Variants in CA8 observed in about 807,000 individuals in gnomAD.
CA8 encodes carbonic anhydrase-related protein.
Under a neutral mutation model 41.4 loss-of-function variants are expected in CA8, and 22 were observed. The observed-to-expected ratio is 0.53, with a 90% CI of 0.38 to 0.76. The LOEUF is 0.76. Among genes scored for constraint, CA8 ranks in the 30% least tolerant of loss-of-function variants. CA8 has a pLI of 0.00. For synonymous variants in CA8, 121 were observed against 130.6 expected, an observed-to-expected ratio of 0.93 and a Z score of 0.50; for missense variants, 270 against 352.8, an observed-to-expected ratio of 0.77 and a Z score of 1.88.
At chr8:60,223,688 T>A (rs1486178915) in intron 6 of CA8, among the ~76,000 whole-genome samples, 7 of 152,270 alleles carry the variant, frequency 4.6e-5, no homozygotes, top group Non-Finnish European at 8.8e-5. Flanking sequence ...GTCATTCTTA[T>A]GAAATCCTTT....
intron 8 of CA8, among the ~76,000 whole-genome samples, chr8:60,199,384 C>T (rs1806362343): frequency 6.6e-6 from 1 of 152,064 alleles, no homozygotes; most frequent in Non-Finnish European, 1.5e-5. Flanking sequence ...TCTTGAGATA[C>T]AATTCCACTC....
intron 3 of CA8, among the ~76,000 whole-genome samples, chr8:60,255,824 A>G (rs954881356): frequency 3.5e-4 from 53 of 152,322 alleles, no homozygotes; most frequent in African/African-American, 1.3e-3. Context: ...AAGCACTTCA[A>G]GTGAATATCA....
chr8:60,222,473 G>A (rs901946165), intron 7 of CA8, among the ~76,000 whole-genome samples, 176 bp downstream of exon 7: 2 of 152,174 alleles, frequency 1.3e-5, no homozygotes, highest in Non-Finnish European at 1.5e-5. Context: ...ATTAGTGTTG[G>A]ATTCTGTCCA....
chr8:60,238,207 A>C (rs773408255), intron 3 of CA8, among the ~76,000 whole-genome samples: 4 of 152,236 alleles, frequency 2.6e-5, no homozygotes, highest in Non-Finnish European at 5.9e-5. Flanking sequence ...ACTGAGAAAA[A>C]TAAGTTTGAA....
intron 1 of CA8, 126 bp downstream of exon 1, chr8:60,280,922 C>T: frequency 1.4e-6 from 1 of 727,898 alleles, no homozygotes; most frequent in South Asian, 1.5e-5. Flanking sequence ...TGGCAGAGAC[C>T]CCCGTGGGAA....
chr8:60,259,122 C>A (rs540206650), intron 3 of CA8, among the ~76,000 whole-genome samples: 2 of 151,998 alleles, frequency 1.3e-5, no homozygotes, highest in Non-Finnish European at 2.9e-5. Context: ...GATGGGTGGA[C>A]GGACAGACAA....
chr8:60,197,495 G>A (rs1240465055), intron 8 of CA8, among the ~76,000 whole-genome samples: 2 of 151,900 alleles, frequency 1.3e-5, no homozygotes, highest in African/African-American at 2.4e-5. Context: ...ACCACCCTAC[G>A]AGGTAAATAC....
At chr8:60,232,617 TGAG>T (rs538787010) in intron 3 of CA8, 20 of 544,664 alleles carry the variant, frequency 3.7e-5, no homozygotes, top group Admixed American at 1.7e-4. Flanking sequence ...TTAGTCCTGA[TGAG>T]GAGGAAGACA....
Position 60,185,877 on chromosome 8 carries a change from G to C in CA8, c.*4144C>G, listed in dbSNP as rs1805950168. Among the ~76,000 whole-genome samples, 1 of 151,592 alleles carries C rather than the reference G, an allele frequency of 6.6e-6. No homozygotes were observed. ...CAAAAAAAAAAGGGCACTGGTAAAT[G>C]TAATTATGTAATTATGAAAGACAGT... On this transcript the variant is annotated 3_prime_UTR_variant, in exon 9 of 9. Transcript: ENST00000317995.
chr8:60,242,396 A>C (rs1017654552), intron 3 of CA8, among the ~76,000 whole-genome samples: 2 of 152,228 alleles, frequency 1.3e-5, no homozygotes, highest in Admixed American at 6.5e-5. Flanking sequence ...TTATACAGCA[A>C]ACAAGTGACA....
intron 3 of CA8, among the ~76,000 whole-genome samples, chr8:60,253,371 C>T (rs116230903): frequency 2.0e-5 from 3 of 152,070 alleles, no homozygotes; most frequent in African/African-American, 7.2e-5. Context: ...AAGTGTACCA[C>T]GATTATTCCA....
At chr8:60,192,058 T>C (rs561338515) in intron 8 of CA8, among the ~76,000 whole-genome samples, 46 of 152,246 alleles carry the variant, frequency 3.0e-4, no homozygotes, top group Admixed American at 2.9e-3. Flanking sequence ...CAATACCCTA[T>C]GCTATTGAGC....
chr8:60,196,692 T>G (rs894796736), intron 8 of CA8, among the ~76,000 whole-genome samples: 13 of 152,328 alleles, frequency 8.5e-5, no homozygotes, highest in Admixed American at 2.0e-4. Context: ...CTTTTATTTT[T>G]GTCTTTCATT....
Position 60,253,059 on chromosome 8 carries a change from G to A in CA8, c.417+12866C>T, listed in dbSNP as rs542242277. 1.3e-4 allele frequency among the ~76,000 whole-genome samples: 19 copies of A among 150,994 alleles called. No individual in the cohort carries two copies. In the East Asian group the frequency reaches 2.5e-3, roughly 20 times the overall value. On this transcript the variant is annotated intron_variant, in intron 3 of 8. Coordinates refer to ENST00000317995, the MANE Select transcript of CA8 (RefSeq NM_004056.6). ...AGCCTGGGCAACATGGAAAAACCCC[G>A]TCTCTACACCAAAATAAAAAAAAAA... is the stretch of plus-strand genomic sequence containing the variant.
chr8:60,186,005 C>T lies in CA8; in HGVS notation c.*4016G>A, dbSNP rs1440855027. ...ACAAATGTGACATATTTGACAATGA[C>T]AACACAAAGGAGGTAAATAAGAACA... On this transcript the variant is annotated 3_prime_UTR_variant, in exon 9 of 9. Coordinates refer to ENST00000317995, the MANE Select transcript of CA8 (RefSeq NM_004056.6). 1.3e-5 allele frequency among the ~76,000 whole-genome samples: 2 copies of T among 151,872 alleles called. No individual in the cohort carries two copies. The highest frequency in any genetic ancestry group is 4.8e-5 in the African/African-American group (2 of 41,350).
intron 8 of CA8, among the ~76,000 whole-genome samples, chr8:60,205,337 G>A (rs562457214): frequency 6.6e-5 from 10 of 152,212 alleles, no homozygotes; most frequent in Admixed American, 1.3e-4. Flanking sequence ...GTCTTTGAGC[G>A]TCAGAACAGC....
chr8:60,232,075 T>G (rs948221740), intron 4 of CA8, among the ~76,000 whole-genome samples: 1 of 152,096 alleles, frequency 6.6e-6, no homozygotes, highest in African/African-American at 2.4e-5. Flanking sequence ...CTGAAGAAAA[T>G]TTCTAATAAA....
At chr8:60,275,233 CA>C (rs1207077374) in intron 2 of CA8, among the ~76,000 whole-genome samples, 1 of 152,166 alleles carries the variant, frequency 6.6e-6, no homozygotes, top group Non-Finnish European at 1.5e-5. Context: ...AATCCCTGCC[CA>C]GGTGCACAGA....
chr8:60,242,622 C>A (rs989841222), intron 3 of CA8, among the ~76,000 whole-genome samples: 1 of 152,054 alleles, frequency 6.6e-6, no homozygotes, highest in Non-Finnish European at 1.5e-5. Context: ...GCCAGCCACA[C>A]ACCTGGTGTT....
Sources: gnomAD v4.1 joint callset for allele counts (sites outside exome capture counted in the v4.1 genomes callset) on GRCh38, gnomAD v4.1.1 for gene constraint, MANE v1.5 for transcripts, NCBI Gene and HGNC (gene_info 2026-07-23, HGNC 2026-07-21) for gene names.